The following PRKG1 variants were observed in gnomAD, a reference collection of about 807,000 sequenced individuals.
PRKG1 encodes cGMP-dependent protein kinase 1.
In PRKG1, 35 loss-of-function variants were observed where a neutral mutation model predicts 88.1. That is an observed-to-expected ratio of 0.40 (90% CI 0.30 to 0.53). PRKG1 has a LOEUF of 0.53. PRKG1 is among the 20% of genes least tolerant of loss of function. The probability of loss-of-function intolerance (pLI) is 0.59; values close to 1 mark genes in which losing one functional copy is unlikely to be tolerated. For synonymous variants in PRKG1, 303 were observed against 292.5 expected (o/e 1.04, Z -0.37); for missense variants, 540 against 839.8 (o/e 0.64, Z 4.41).
At chr10:51,560,597 G>A (rs1837433094) in intron 3 of PRKG1, among the ~76,000 whole-genome samples, 2 of 152,088 alleles carry the variant, frequency 1.3e-5, no homozygotes, top group African/African-American at 4.8e-5. Context: ...AATGTCTTGT[G>A]TTATGTATGT....
At chr10:52,166,859 ATATCTGTATATG>A (rs1838484877) in intron 9 of PRKG1, among the ~76,000 whole-genome samples, 1 of 96,946 alleles carries the variant, frequency 1.0e-5, no homozygotes. Flanking sequence ...GTCTATATAT[ATATCTGTATATG>A]TGTATGTATA....
At chr10:51,255,007 G>T (rs1839520614) in intron 2 of PRKG1, among the ~76,000 whole-genome samples, 1 of 152,054 alleles carries the variant, frequency 6.6e-6, no homozygotes, top group South Asian at 2.1e-4. Flanking sequence ...AACTATGGAT[G>T]TAAGTGATGA....
At chr10:51,225,084 A>G (rs763211134) in intron 2 of PRKG1, among the ~76,000 whole-genome samples, 4 of 152,234 alleles carry the variant, frequency 2.6e-5, no homozygotes, top group Non-Finnish European at 5.9e-5. Flanking sequence ...ACGAAATACT[A>G]CAAACTGTGT....
chr10:51,560,701 T>C (rs948131533), intron 3 of PRKG1, among the ~76,000 whole-genome samples: 1 of 152,024 alleles, frequency 6.6e-6, no homozygotes, highest in African/African-American at 2.4e-5. Context: ...ATATTTTATA[T>C]ATAATTAATT....
chr10:51,794,642 A>C (rs1252320246), intron 3 of PRKG1, among the ~76,000 whole-genome samples: 3 of 152,126 alleles, frequency 2.0e-5, no homozygotes, highest in African/African-American at 7.2e-5. Context: ...TCTCACCACA[A>C]AAATGATGAC....
In PRKG1 at chr10:51,961,979, G is replaced by A. The variant is rs1337103358; in HGVS notation, c.762+54409G>A. Among the ~76,000 whole-genome samples the A allele has an allele frequency of 2.6e-5, 4 of 152,232 alleles. No individual in the cohort carries two copies. In the East Asian group the frequency reaches 5.8e-4, roughly 22 times the overall value. ...TAAAAATGGAAAAACTAGCACCATC[G>A]GACATCATGCCCTTTTAAAGAAATT... On this transcript the variant is annotated intron_variant, in intron 5 of 17. Transcript: ENST00000373980.
intron 5 of PRKG1, among the ~76,000 whole-genome samples, chr10:51,940,437 T>C (rs1484429930): frequency 2.6e-5 from 4 of 151,866 alleles, no homozygotes; most frequent in Non-Finnish European, 5.9e-5. Flanking sequence ...GAGAGACCCT[T>C]TTGATGTGAT....
intron 10 of PRKG1, among the ~76,000 whole-genome samples, chr10:52,265,954 G>T (rs1841560191): frequency 1.3e-5 from 2 of 151,890 alleles, no homozygotes; most frequent in Non-Finnish European, 2.9e-5. Context: ...AAAATAAAAT[G>T]AAGATCTTGA....
intron 3 of PRKG1, among the ~76,000 whole-genome samples, chr10:51,506,394 G>T (rs986941938): frequency 5.9e-5 from 9 of 152,088 alleles, no homozygotes; most frequent in African/African-American, 1.7e-4. Context: ...GAAAATTTTT[G>T]CAATCTACTC....
At chr10:52,166,426 T>C (rs1197611863) in intron 9 of PRKG1, among the ~76,000 whole-genome samples, 2 of 139,214 alleles carry the variant, frequency 1.4e-5, no homozygotes, top group Non-Finnish European at 3.1e-5. Flanking sequence ...AGTATTTGAA[T>C]ATAATTTTTT....
chr10:51,593,794 G>A (rs1838372002), intron 3 of PRKG1, among the ~76,000 whole-genome samples: 1 of 151,714 alleles, frequency 6.6e-6, no homozygotes, highest in Admixed American at 6.6e-5. Context: ...ATGTGATCTT[G>A]GCTCACTGCA....
intron 1 of PRKG1, among the ~76,000 whole-genome samples, chr10:51,091,354 T>G (rs1844393621): frequency 1.3e-5 from 2 of 152,128 alleles, no homozygotes; most frequent in South Asian, 2.1e-4. Flanking sequence ...CCCCCTAAAT[T>G]TCCTGGAACC....
At chr10:51,934,360 T>C (rs1245436581) in intron 5 of PRKG1, among the ~76,000 whole-genome samples, 5 of 151,804 alleles carry the variant, frequency 3.3e-5, no homozygotes, top group Non-Finnish European at 5.9e-5. Flanking sequence ...CTACACACCC[T>C]CAGTTTTATG....
intron 5 of PRKG1, among the ~76,000 whole-genome samples, chr10:52,041,452 G>T (rs554048557): frequency 6.6e-6 from 1 of 152,068 alleles, no homozygotes; most frequent in Admixed American, 6.6e-5. Flanking sequence ...TATTGTTGTG[G>T]TCTTGACTGG....
chr10:52,288,528 C>T (rs888551998), intron 14 of PRKG1, among the ~76,000 whole-genome samples, 198 bp from the exon 15 acceptor site: 1 of 152,004 alleles, frequency 6.6e-6, no homozygotes, highest in Non-Finnish European at 1.5e-5. Flanking sequence ...TAAACTTGAC[C>T]CATTTCTGGT....
At chr10:52,085,631 A>T (rs1846892892) in intron 7 of PRKG1, among the ~76,000 whole-genome samples, 1 of 152,120 alleles carries the variant, frequency 6.6e-6, no homozygotes, top group Admixed American at 6.6e-5. Flanking sequence ...CAAGGGCTAT[A>T]AGAGCCCTGA....
chr10:52,238,625 C>T (rs1203559649), intron 9 of PRKG1, among the ~76,000 whole-genome samples: 2 of 149,680 alleles, frequency 1.3e-5, no homozygotes, highest in Admixed American at 1.4e-4. Context: ...TATGAAATAC[C>T]ATCTCACACC....
At chr10:51,623,444 T>G (rs1417252645) in intron 3 of PRKG1, among the ~76,000 whole-genome samples, 1 of 152,162 alleles carries the variant, frequency 6.6e-6, no homozygotes, top group Non-Finnish European at 1.5e-5. Context: ...TCAAGCAGTC[T>G]GCCTGCTTCA....
chr10:51,397,713 T>C (rs948830369), intron 2 of PRKG1, among the ~76,000 whole-genome samples: 1 of 152,206 alleles, frequency 6.6e-6, no homozygotes, highest in African/African-American at 2.4e-5. Context: ...ATAATTAAAA[T>C]CACAGCAGTT....
Sources: gnomAD v4.1 joint callset for allele counts (sites outside exome capture counted in the v4.1 genomes callset) on GRCh38, gnomAD v4.1.1 for gene constraint, MANE v1.5 for transcripts, NCBI Gene and HGNC (gene_info 2026-07-23, HGNC 2026-07-21) for gene names.